The following PDE4D variants were observed in gnomAD, a reference collection of about 807,000 sequenced individuals.
PDE4D encodes 3',5'-cyclic-AMP phosphodiesterase 4D.
A neutral mutation model predicts 87.4 loss-of-function variants in PDE4D; 24 were observed. The observed-to-expected ratio is 0.27, with a 90% CI of 0.20 to 0.39. PDE4D has a LOEUF of 0.39. PDE4D is among the 10% of genes least tolerant of loss of function. The pLI is 1.00. For synonymous variants in PDE4D, 384 were observed against 383.2 expected, an observed-to-expected ratio of 1.00 and a Z score of -0.02; for missense variants, 714 against 1,041.0, an observed-to-expected ratio of 0.69 and a Z score of 4.32.
At chr5:59,357,472 C>T (rs1056604661) in intron 1 of PDE4D, among the ~76,000 whole-genome samples, 11 of 152,096 alleles carry the variant, frequency 7.2e-5, no homozygotes, top group African/African-American at 2.7e-4. Context: ...AAAATACCAG[C>T]GCCTCTCTAA....
chr5:59,972,679 T>C (rs1441389068), intron 3 of PDE4D, among the ~76,000 whole-genome samples: 1 of 152,198 alleles, frequency 6.6e-6, no homozygotes, highest in Admixed American at 6.5e-5. Context: ...TGAACCAGCT[T>C]ATTCAATAAG....
At position 59,737,790 on chromosome 5, in the gene PDE4D, A is replaced by G. The variant is rs1219630701; in HGVS notation, c.455+155378T>C. ...TTACCATTTTCATGAGTATAAATGA[A>G]TGTGTATATATGTGCATATATGAAT... On this transcript the variant is annotated intron_variant, in intron 1 of 14. Transcript: ENST00000340635. 2.0e-5 allele frequency among the ~76,000 whole-genome samples: 3 copies of G among 152,246 alleles called. No individual in the cohort carries two copies. The South Asian group carries it at 6.2e-4, about 32-fold the overall frequency.
At chr5:60,383,920 A>G (rs1762031880) in intron 1 of PDE4D, among the ~76,000 whole-genome samples, 1 of 152,232 alleles carries the variant, frequency 6.6e-6, no homozygotes. Context: ...AGAGAAGCAC[A>G]GTACCTACCC....
At chr5:60,078,291 C>A (rs1396502289) in intron 2 of PDE4D, among the ~76,000 whole-genome samples, 1 of 152,166 alleles carries the variant, frequency 6.6e-6, no homozygotes, top group Non-Finnish European at 1.5e-5. Context: ...ATCCTCTCTT[C>A]TTTTCTAATA....
chr5:60,341,132 T>A (rs1449100684), intron 1 of PDE4D, among the ~76,000 whole-genome samples: 1 of 151,644 alleles, frequency 6.6e-6, no homozygotes, highest in African/African-American at 2.4e-5. Flanking sequence ...AAATGTTTGG[T>A]TTTTTTTTCT....
chr5:59,362,835 C>A (rs1782439104), intron 1 of PDE4D, among the ~76,000 whole-genome samples: 1 of 152,172 alleles, frequency 6.6e-6, no homozygotes, highest in South Asian at 2.1e-4. Flanking sequence ...AGAAAAAAGA[C>A]CCCCAATACC....
rs1762176267 is a variant in PDE4D at position 59,984,049 on chromosome 5, AT to A, written c.272+4438del. ...ACACAAACATGGATATCAAAAAAAA[AT>A]TTTGACTAATAGAAGCCAGACACAA... is the stretch of plus-strand genomic sequence containing the variant. On this transcript the variant is annotated intron_variant, in intron 3 of 16. Coordinates refer to the PDE4D transcript ENST00000502484. Among the ~76,000 whole-genome samples, 6 of 144,872 alleles carry A rather than the reference AT, an allele frequency of 4.1e-5. No individual in the cohort carries two copies. In the Admixed American group the frequency reaches 4.3e-4, roughly 10 times the overall value.
intron 1 of PDE4D, among the ~76,000 whole-genome samples, chr5:59,669,484 T>C (rs1002742085): frequency 1.3e-5 from 2 of 152,182 alleles, no homozygotes; most frequent in African/African-American, 4.8e-5. Context: ...TTTACATAAA[T>C]ATTGACAGAT....
chr5:59,474,151 C>A (rs1562251045), intron 1 of PDE4D, among the ~76,000 whole-genome samples: 1 of 152,134 alleles, frequency 6.6e-6, no homozygotes, highest in African/African-American at 2.4e-5. Context: ...AGTGGCATAA[C>A]ACTAACAAGA....
At chr5:59,389,924 G>A (rs369802257) in intron 1 of PDE4D, among the ~76,000 whole-genome samples, 5 of 152,234 alleles carry the variant, frequency 3.3e-5, no homozygotes, top group South Asian at 4.1e-4. Flanking sequence ...AAGTTCTAGT[G>A]TTCGATAACA....
chr5:59,944,464 C>T (rs376193255), intron 3 of PDE4D, among the ~76,000 whole-genome samples: 110 of 152,276 alleles, frequency 7.2e-4, no homozygotes, highest in African/African-American at 2.5e-3. Context: ...GCTCCGCCTC[C>T]GGGGTTGACG....
chr5:59,421,376 G>T (rs1269897620), intron 1 of PDE4D, among the ~76,000 whole-genome samples: 1 of 152,068 alleles, frequency 6.6e-6, no homozygotes, highest in Admixed American at 6.6e-5. Context: ...AGACCTTTGG[G>T]GTGGATTATA....
intron 2 of PDE4D, among the ~76,000 whole-genome samples, chr5:59,999,130 A>ACTGTCTGTTTCACGTC (rs1763793760): frequency 6.6e-6 from 1 of 152,224 alleles, no homozygotes; most frequent in Non-Finnish European, 1.5e-5. Flanking sequence ...AACAGATGAG[A>ACTGTCTGTTTCACGTC]AAAGGCATTT....
chr5:59,748,852 G>A (rs1760013040), intron 1 of PDE4D, among the ~76,000 whole-genome samples: 1 of 152,178 alleles, frequency 6.6e-6, no homozygotes. Flanking sequence ...AGCACAAACA[G>A]TGAGGAACTG....
chr5:60,469,375 C>T (rs1747646423), intron 1 of PDE4D, among the ~76,000 whole-genome samples: 2 of 152,202 alleles, frequency 1.3e-5, no homozygotes, highest in African/African-American at 4.8e-5. Context: ...CCATAGGCAA[C>T]ATTCTCCAAC....
chr5:60,124,489 T>G (rs1282020052), intron 2 of PDE4D, among the ~76,000 whole-genome samples: 3 of 152,150 alleles, frequency 2.0e-5, no homozygotes, highest in African/African-American at 7.2e-5. Context: ...CAGAAAACAA[T>G]TTTTCTCTGC....
chr5:59,111,982 T>C (rs545285940), intron 5 of PDE4D, among the ~76,000 whole-genome samples: 1 of 152,298 alleles, frequency 6.6e-6, no homozygotes, highest in Non-Finnish European at 1.5e-5. Flanking sequence ...ACAATAGATA[T>C]AGTAAATTAT....
At chr5:60,480,381 A>AGC (rs1748638650) in intron 1 of PDE4D, among the ~76,000 whole-genome samples, 1 of 152,154 alleles carries the variant, frequency 6.6e-6, no homozygotes, top group Non-Finnish European at 1.5e-5. Context: ...TAATATACGT[A>AGC]AAATGTAAAG....
At chr5:59,038,226 A>G (rs1359082150) in intron 6 of PDE4D, among the ~76,000 whole-genome samples, 2 of 152,236 alleles carry the variant, frequency 1.3e-5, no homozygotes, top group South Asian at 2.1e-4. Context: ...CCAGCACCTT[A>G]GCACATATGG....
Sources: gnomAD v4.1 joint callset for allele counts (sites outside exome capture counted in the v4.1 genomes callset) on GRCh38, gnomAD v4.1.1 for gene constraint, MANE v1.5 for transcripts, NCBI Gene and HGNC (gene_info 2026-07-23, HGNC 2026-07-21) for gene names.